PDS5A: variants seen among roughly 807,000 people sequenced by gnomAD.
The protein encoded by PDS5A is sister chromatid cohesion protein PDS5 homolog A.
Under a neutral mutation model 167.1 loss-of-function variants are expected in PDS5A, and 42 were observed. That is an observed-to-expected ratio of 0.25 (90% CI 0.20 to 0.33). The LOEUF is 0.33. Ranked by LOEUF, PDS5A falls within the 10% of genes least tolerant of loss-of-function variation. PDS5A has a pLI of 1.00. For missense variants in PDS5A, 1,033 were observed against 1,605.9 expected (o/e 0.64, Z 6.10); for synonymous variants, 553 against 554.6 (o/e 1.00, Z 0.04).
At chr4:39,928,207 TTTAGAAA>T (rs761196922) in intron 2 of PDS5A, 43 bp from the exon 3 acceptor site, 1 of 1,334,444 alleles carries the variant, frequency 7.5e-7, no homozygotes. Context: ...ACTCCTGGAA[TTTAGAAA>T]TCAGTGGAGG....
chr4:39,898,984 C>T (rs1240268296), intron 14 of PDS5A, among the ~76,000 whole-genome samples, 159 bp from the exon 15 acceptor site: 1 of 152,096 alleles, frequency 6.6e-6, no homozygotes, highest in Non-Finnish European at 1.5e-5. Flanking sequence ...CATATATACG[C>T]TAAACTAACA....
At chr4:39,938,627 C>T (rs1726885479) in intron 2 of PDS5A, among the ~76,000 whole-genome samples, 1 of 151,940 alleles carries the variant, frequency 6.6e-6, no homozygotes, top group Admixed American at 6.6e-5. Context: ...AGCCAAAAAA[C>T]TACAAGTGAA....
At chr4:39,904,523 G>A (rs577459295) in intron 11 of PDS5A, among the ~76,000 whole-genome samples, 6 of 152,194 alleles carry the variant, frequency 3.9e-5, no homozygotes, top group African/African-American at 4.8e-5. Context: ...TAGTAGAGAC[G>A]GGGTTTCACC....
chr4:39,842,704 T>C (rs1390026577), intron 30 of PDS5A, among the ~76,000 whole-genome samples: 1 of 151,806 alleles, frequency 6.6e-6, no homozygotes, highest in Admixed American at 6.6e-5. Context: ...TTGATCACTA[T>C]ACATGCTATG....
At chr4:39,966,899 T>A (rs1730016946) in intron 2 of PDS5A, among the ~76,000 whole-genome samples, 1 of 87,112 alleles carries the variant, frequency 1.1e-5, no homozygotes, top group Non-Finnish European at 2.9e-5. Context: ...CTCGGGAGGC[T>A]GAGGCAGAAT....
At chr4:39,957,786 CA>C (rs34253629) in intron 2 of PDS5A, among the ~76,000 whole-genome samples, 44,032 of 87,700 alleles carry the variant, frequency 0.5, 6,705 homozygotes, top group Middle Eastern at 0.65. Flanking sequence ...GACTCCATCT[CA>C]AAAAAAAAAA....
intron 18 of PDS5A, among the ~76,000 whole-genome samples, chr4:39,879,116 T>C (rs555726637): frequency 6.6e-6 from 1 of 152,302 alleles, no homozygotes; most frequent in Non-Finnish European, 1.5e-5. Flanking sequence ...TTGCACTGGT[T>C]TGTCTCTTCT....
intron 2 of PDS5A, 121 bp from the exon 3 acceptor site, chr4:39,928,285 C>A (rs1725646950): frequency 2.0e-6 from 1 of 500,962 alleles, no homozygotes; most frequent in Admixed American, 4.5e-5. Flanking sequence ...AGACAGTTCA[C>A]AGTCAACTTT....
At chr4:39,965,507 T>C (rs903092514) in intron 2 of PDS5A, among the ~76,000 whole-genome samples, 2 of 152,208 alleles carry the variant, frequency 1.3e-5, no homozygotes, top group Admixed American at 6.6e-5. Flanking sequence ...ACAATTCAAG[T>C]GTTCACTGAC....
chr4:39,967,787 G>A (rs1179480734), intron 2 of PDS5A, among the ~76,000 whole-genome samples: 7 of 151,818 alleles, frequency 4.6e-5, no homozygotes, highest in Admixed American at 3.9e-4. Flanking sequence ...GTGAAACCCC[G>A]TCTCTAACTA....
intron 16 of PDS5A, among the ~76,000 whole-genome samples, chr4:39,896,661 G>A (rs181125154): frequency 7.2e-4 from 110 of 151,976 alleles, no homozygotes; most frequent in African/African-American, 2.6e-3. Context: ...AGCTACTCAG[G>A]AGATTGAAGG....
intron 2 of PDS5A, among the ~76,000 whole-genome samples, chr4:39,951,757 G>A (rs957801438): frequency 1.6e-4 from 24 of 152,116 alleles, no homozygotes; most frequent in African/African-American, 3.6e-4. Flanking sequence ...AAAATTAGCC[G>A]GGCATGGTGG....
At chr4:39,953,592 G>A (rs141102501) in intron 2 of PDS5A, among the ~76,000 whole-genome samples, 83 of 152,082 alleles carry the variant, frequency 5.5e-4, no homozygotes, top group African/African-American at 2.0e-3. Flanking sequence ...GTAGCTGGGT[G>A]TAGTGACACA....
At chr4:39,937,380 T>A (rs985057061) in intron 2 of PDS5A, among the ~76,000 whole-genome samples, 2 of 152,112 alleles carry the variant, frequency 1.3e-5, no homozygotes, top group Non-Finnish European at 2.9e-5. Context: ...TGTTCAGTAA[T>A]TCAATTACAC....
At position 39,917,065 on chromosome 4, in the gene PDS5A, G is replaced by T; in HGVS notation, c.859C>A (p.Leu287Ile). 2 of 1,507,004 alleles carry T rather than the reference G, an allele frequency of 1.3e-6. No homozygotes were observed. Among genetic ancestry groups the T allele is most frequent in the Non-Finnish European group, 1.8e-6 (2 of 1,132,556 alleles). The allele number at this position is 1,507,004 out of a possible 1,614,324, so 93.4% of individuals were successfully genotyped here. A position where few individuals can be genotyped will look rare whatever the true frequency, so the allele number is the denominator to read the frequency against. Reference sequence around the variant, plus strand: ...AATCTTACCTTTAGTTTGAATTCAAGCTGTGGCATGACGGATAATAATAAA... The same window carrying T: ...AATCTTACCTTTAGTTTGAATTCAATCTGTGGCATGACGGATAATAATAAA... ...PHLLLSVMPQLEFKLKSNDGE... is the reference protein window; with the variant it reads ...PHLLLSVMPQIEFKLKSNDGE... The change falls in exon 8 of 33, where the codon CTT becomes ATT. Residue 287 changes from leucine to isoleucine, a missense_variant. Coordinates refer to ENST00000303538, the MANE Select transcript of PDS5A (RefSeq NM_001100399.2).
intron 5 of PDS5A, 22 bp downstream of exon 5, chr4:39,925,814 A>G (rs777729742): frequency 2.5e-5 from 24 of 942,466 alleles, no homozygotes; most frequent in Non-Finnish European, 3.7e-5. Flanking sequence ...AGACAAACAG[A>G]AATGCTTAAA....
intron 29 of PDS5A, among the ~76,000 whole-genome samples, chr4:39,845,090 C>T (rs1717468705): frequency 6.6e-6 from 1 of 152,012 alleles, no homozygotes; most frequent in Non-Finnish European, 1.5e-5. Flanking sequence ...AGCCGGTAGT[C>T]CCATCTACTC....
At chr4:39,857,153 C>A (rs1231958781) in intron 26 of PDS5A, among the ~76,000 whole-genome samples, 1 of 151,970 alleles carries the variant, frequency 6.6e-6, no homozygotes, top group Non-Finnish European at 1.5e-5. Context: ...GAGATCGAGA[C>A]CATCCTGGCT....
intron 2 of PDS5A, among the ~76,000 whole-genome samples, chr4:39,962,436 C>T (rs919515768): frequency 6.6e-6 from 1 of 152,180 alleles, no homozygotes; most frequent in Non-Finnish European, 1.5e-5. Context: ...TATTCTCACA[C>T]AGAACTACTC....
Sources: allele counts gnomAD v4.1 joint callset (sites outside exome capture counted in the v4.1 genomes callset), GRCh38; gene constraint gnomAD v4.1.1; transcripts MANE v1.5; gene names NCBI Gene and HGNC (gene_info 2026-07-23, HGNC 2026-07-21).